Variants in ZFP37 observed in about 807,000 individuals in gnomAD.
ZFP37 encodes zinc finger protein 37 homolog.
ZFP37 carries 38 observed loss-of-function variants against 52.1 expected under a neutral mutation model. The observed-to-expected ratio is 0.73, with a 90% confidence interval of 0.56 to 0.96. The LOEUF (loss-of-function observed/expected upper bound fraction) is 0.96, where lower values mean the gene tolerates loss of function less well. ZFP37 is among the 40% of genes least tolerant of loss of function. The probability of loss-of-function intolerance (pLI) is 0.00; values close to 1 mark genes in which losing one functional copy is unlikely to be tolerated. For synonymous variants in ZFP37, 253 were observed against 259.5 expected (o/e 0.98, Z 0.24); for missense variants, 695 against 741.4 (o/e 0.94, Z 0.73).
At chr9:113,045,197 C>T (rs140786549) in intron 3 of ZFP37, among the ~76,000 whole-genome samples, 133 of 152,008 alleles carry the variant, frequency 8.7e-4, no homozygotes, top group African/African-American at 2.9e-3. Flanking sequence ...AAAGGTTATC[C>T]ACTTTATACT....
rs747166201 is a variant in ZFP37 at position 113,043,199 on chromosome 9, C to T, written c.1419G>A (p.Lys473=). Residue 473 remains lysine (K), a synonymous_variant, in exon 4 of 4, where the codon AAG becomes AAA. Coordinates refer to ENST00000374227, the MANE Select transcript of ZFP37 (RefSeq NM_003408.3). ...CNECGKAFSK[K]SHLIIHQRTH... is the part of the protein sequence containing the mutation. ...TTCTTTGATGTATAATGAGGTGTGA[C>T]TTCTTGCTGAAAGCTTTCCCACATT... is the stretch of plus-strand genomic sequence containing the variant. 1 of 1,613,702 alleles carries T rather than the reference C, an allele frequency of 6.2e-7. No homozygotes were observed. The highest frequency in any genetic ancestry group is 1.1e-5 in the South Asian group (1 of 91,060).
intron 1 of ZFP37, 49 bp downstream of exon 1, chr9:113,056,508 G>A: frequency 6.2e-7 from 1 of 1,602,606 alleles, no homozygotes; most frequent in Non-Finnish European, 8.5e-7. Context: ...TGCCCCGCAA[G>A]TACACCATCT....
In ZFP37 at chr9:113,043,880, G is replaced by A; in HGVS notation, c.738C>T (p.Gly246=). The stretch of plus-strand genomic sequence containing the variant: ...GACAGCATAATTTGTCATGTTTTTT[G>A]CCAGTTTTGTTACACTTATCAGATG... ...HSSSDKCNKT[G]KKHDKLCCHS... is the part of the protein sequence containing the mutation. Residue 246 remains glycine, a synonymous_variant, in exon 4 of 4, where the codon GGC becomes GGT. Coordinates refer to ENST00000374227, the MANE Select transcript of ZFP37 (RefSeq NM_003408.3). 6.2e-7 allele frequency: 1 copy of A among 1,613,892 alleles called. No individual in the cohort carries two copies. The highest frequency in any genetic ancestry group is 1.6e-4 in the Middle Eastern group (1 of 6,062).
chr9:113,044,640 C>G (rs868756966), intron 3 of ZFP37, among the ~76,000 whole-genome samples: 1 of 151,934 alleles, frequency 6.6e-6, no homozygotes, highest in Non-Finnish European at 1.5e-5. Context: ...TGATAACTCC[C>G]AAGCTGGCCA....
At position 113,043,865 on chromosome 9, in the gene ZFP37, T is replaced by C. The variant is rs1351872288; in HGVS notation, c.753A>G (p.Lys251=). 1.4e-5 allele frequency: 22 copies of C among 1,613,984 alleles called. No homozygotes were observed. The highest frequency in any genetic ancestry group is 1.9e-5 in the Non-Finnish European group (22 of 1,179,978). ...TATGGGATGAACTATGACAGCATAA[T>C]TTGTCATGTTTTTTGCCAGTTTTGT... ...KCNKTGKKHD[K]LCCHSSSHIK... Residue 251 remains lysine, a synonymous_variant, in exon 4 of 4, where the codon AAA becomes AAG. Transcript: ENST00000374227.
rs1828894154 is a variant in ZFP37 at position 113,043,580 on chromosome 9, T to G, written c.1038A>C (p.Glu346Asp). 10 of 1,614,026 alleles carry G rather than the reference T, an allele frequency of 6.2e-6. No individual in the cohort carries two copies. The highest frequency in any genetic ancestry group is 8.5e-6 in the Non-Finnish European group (10 of 1,179,942). The change falls in exon 4 of 4, where the codon GAA becomes GAC. Residue 346 changes from glutamate to aspartate, a missense_variant. Around this residue, in one of 2 missense-constraint regions of ZFP37, gnomAD observed 326 missense variants for 400.5 expected, o/e 0.81. Transcript: ENST00000374227. Reference protein sequence around the residue: ...LVVHQRTHTGEKPYECIQCGK... With the variant: ...LVVHQRTHTGDKPYECIQCGK... ...CACACTGAATACATTCATATGGTTT[T>G]TCTCCGGTGTGAGTTCTCTGATGTA...
chr9:113,043,738 C>G lies in ZFP37; in HGVS notation c.880G>C (p.Glu294Gln). The G allele has an allele frequency of 1.2e-6, 2 of 1,614,036 alleles. No individual in the cohort carries two copies. The highest frequency in any genetic ancestry group is 1.7e-6 in the Non-Finnish European group (2 of 1,179,980). The change falls in exon 4 of 4, where the codon GAA (glutamate) becomes CAA (glutamine). Residue 294 changes from glutamate to glutamine, a missense_variant. Glu to Gln is a conservative substitution (Grantham distance 29). This residue lies in a region of ZFP37 where 369 missense variants were observed against 340.9 expected (regional missense o/e 1.08). Coordinates refer to ENST00000374227, the MANE Select transcript of ZFP37 (RefSeq NM_003408.3). ...EKPQACVKPY[E>Q]CNQCGKVLSH... ...AGAACCTTTCCACATTGATTACATT[C>G]ATAGGGTTTCACACAAGCTTGAGGT...
At chr9:113,046,138 CTGTCTATAT>C (rs971000201) in intron 3 of ZFP37, among the ~76,000 whole-genome samples, 1 of 150,118 alleles carries the variant, frequency 6.7e-6, no homozygotes, top group Non-Finnish European at 1.5e-5. Flanking sequence ...AAATATATAT[CTGTCTATAT>C]ATATAGACAG....
chr9:113,054,685 G>C (rs1829112377), intron 1 of ZFP37, among the ~76,000 whole-genome samples: 1 of 152,124 alleles, frequency 6.6e-6, no homozygotes, highest in South Asian at 2.1e-4. Context: ...CGGTTCTTCA[G>C]GTTAAAAGTC....
At chr9:113,049,763 T>A in intron 2 of ZFP37, 28 bp downstream of exon 2, 1 of 1,609,444 alleles carries the variant, frequency 6.2e-7, no homozygotes, top group Non-Finnish European at 8.5e-7. Flanking sequence ...AGTGGACACA[T>A]TTTGAATTAC....
At chr9:113,046,611 G>A (rs1022853214) in intron 3 of ZFP37, among the ~76,000 whole-genome samples, 6 of 152,082 alleles carry the variant, frequency 3.9e-5, no homozygotes, top group Non-Finnish European at 7.4e-5. Context: ...GAATTTGAAC[G>A]AGTAAATTGG....
chr9:113,052,510 G>A lies in ZFP37; in HGVS notation c.133-2638C>T, dbSNP rs1829074837. Among the ~76,000 whole-genome samples the A allele has an allele frequency of 6.6e-6, 1 of 152,114 alleles. No homozygotes were observed. The highest frequency in any genetic ancestry group is 2.4e-5 in the African/African-American group (1 of 41,408). ...AAAAGTGTACAAAGTCAGTTAATCAGCATGAGGTAAAGTCCACAGGACACC... is the reference window on the plus strand; with the variant it reads ...AAAAGTGTACAAAGTCAGTTAATCAACATGAGGTAAAGTCCACAGGACACC... On this transcript the variant is annotated intron_variant, in intron 1 of 3. Transcript: ENST00000374227. The surrounding 1 kb of genome is among the most constrained non-coding windows in gnomAD (Gnocchi z 4.1).
At chr9:113,044,661 C>T (rs1395369215) in intron 3 of ZFP37, among the ~76,000 whole-genome samples, 1 of 152,076 alleles carries the variant, frequency 6.6e-6, no homozygotes, top group East Asian at 1.9e-4. Flanking sequence ...TAATATATTG[C>T]TCCTGCAGCC....
intron 1 of ZFP37, 49 bp downstream of exon 1, chr9:113,056,508 G>T (rs746676345): frequency 6.2e-7 from 1 of 1,602,606 alleles, no homozygotes; most frequent in Admixed American, 1.7e-5. Flanking sequence ...TGCCCCGCAA[G>T]TACACCATCT....
chr9:113,047,848 G>A (rs1367816308), intron 3 of ZFP37, among the ~76,000 whole-genome samples: 1 of 152,184 alleles, frequency 6.6e-6, no homozygotes, highest in Non-Finnish European at 1.5e-5. Flanking sequence ...GATATCCTAA[G>A]AATAAGCTGT....
At position 113,046,518 on chromosome 9, in the gene ZFP37, A is replaced by G. The variant is rs542441033; in HGVS notation, c.350-2250T>C. Among the ~76,000 whole-genome samples the G allele has an allele frequency of 2.6e-5, 4 of 152,272 alleles. No homozygotes were observed. In the South Asian group the frequency reaches 8.3e-4, roughly 32 times the overall value. On this transcript the variant is annotated intron_variant, in intron 3 of 3. Transcript: ENST00000374227. ...ATTATAAGAACCTTTACAATGATGAATTTGGCTGGTCCCAACTGATATCTG... is the reference window on the plus strand; with the variant it reads ...ATTATAAGAACCTTTACAATGATGAGTTTGGCTGGTCCCAACTGATATCTG...
Position 113,039,178 on chromosome 9 carries a change from G to A in ZFP37, c.*3547C>T, listed in dbSNP as rs1021564512. ...TTGTACAACATAGAATAGATTCCTC[G>A]ATGGACTGCCGACCATCATAAGGCT... On this transcript the variant is annotated 3_prime_UTR_variant, in exon 4 of 4. Coordinates refer to ENST00000374227, the MANE Select transcript of ZFP37 (RefSeq NM_003408.3). 6.6e-6 allele frequency: 1 copy of A among 152,014 alleles called. No homozygotes were observed. Among genetic ancestry groups the A allele is most frequent in the Non-Finnish European group, 1.5e-5 (1 of 68,000 alleles). 9.4% of individuals were successfully genotyped at this position (152,014 alleles called of 1,614,324 possible).
Position 113,056,628 on chromosome 9 carries a change from T to G in ZFP37, c.61A>C (p.Ser21Arg), listed in dbSNP as rs772212977. 1 of 1,614,054 alleles carries G rather than the reference T, an allele frequency of 6.2e-7. No individual in the cohort carries two copies. Among genetic ancestry groups the G allele is most frequent in the South Asian group, 1.1e-5 (1 of 91,080 alleles). The change falls in exon 1 of 4, where the codon AGT becomes CGT. Residue 21 changes from serine (S) to arginine (R), a missense_variant. Physicochemically the swap from Ser to Arg is moderately radical, Grantham distance 110. Coordinates refer to ENST00000374227, the MANE Select transcript of ZFP37 (RefSeq NM_003408.3). ...TKPETVDRRR[S>R]AETTKEAGRP... ...CCGGCCTCTTTGGTCGTTTCCGCAC[T>G]TCTCCTCCGGTCCACGGTCTCTGGC...
chr9:113,049,304 C>G (rs1829014245), intron 3 of ZFP37, 58 bp downstream of exon 3: 1 of 1,586,410 alleles, frequency 6.3e-7, no homozygotes, highest in Admixed American at 1.7e-5. Flanking sequence ...GGTCTAGGAT[C>G]TTTAAGAAGA....
Sources: allele counts gnomAD v4.1 joint callset (sites outside exome capture counted in the v4.1 genomes callset), GRCh38; gene constraint gnomAD v4.1.1; regional missense constraint gnomAD v4.1.1; non-coding constraint Gnocchi (gnomAD v3.1); transcripts MANE v1.5; gene names NCBI Gene and HGNC (gene_info 2026-07-23, HGNC 2026-07-21).